The following PCDHA8 variants were observed in gnomAD, a reference collection of about 807,000 sequenced individuals.
The protein encoded by PCDHA8 is protocadherin alpha-8.
PCDHA8 carries 53 observed loss-of-function variants against 61.8 expected under a neutral mutation model. The observed-to-expected ratio is 0.86, with a 90% confidence interval of 0.69 to 1.08. The LOEUF is 1.08. Among genes scored for constraint, PCDHA8 ranks in the 50% least tolerant of loss-of-function variants. PCDHA8 has a pLI of 0.00. For synonymous variants in PCDHA8, 618 were observed against 556.6 expected (o/e 1.11, Z -1.55); for missense variants, 1,293 against 1,245.0 (o/e 1.04, Z -0.58).
chr5:140,889,856 G>GT (rs1471217688), intron 1 of PCDHA8, among the ~76,000 whole-genome samples: 17 of 152,122 alleles, frequency 1.1e-4, no homozygotes, highest in African/African-American at 4.1e-4. Context: ...GAGAATATTT[G>GT]TTTTGGGGGA....
chr5:140,883,581 C>A, intron 1 of PCDHA8: 2 of 1,614,018 alleles, frequency 1.2e-6, no homozygotes, highest in Non-Finnish European at 1.7e-6. Flanking sequence ...CTGTGGGCCA[C>A]GGCCAGCGTG....
At chr5:140,851,162 G>C in intron 1 of PCDHA8, 1 of 1,294,640 alleles carries the variant, frequency 7.7e-7, no homozygotes, top group African/African-American at 1.5e-5. Context: ...CTGATGCTAT[G>C]CTGCCATAAC....
chr5:140,928,166 T>G, intron 1 of PCDHA8: 1 of 1,614,142 alleles, frequency 6.2e-7, no homozygotes, highest in South Asian at 1.1e-5. Context: ...TCACCCCCAC[T>G]TAGCACCCGA....
At chr5:140,871,305 G>C (rs782666863) in intron 1 of PCDHA8, 2 of 1,613,874 alleles carry the variant, frequency 1.2e-6, no homozygotes, top group East Asian at 4.5e-5. Context: ...GCGCGCCGGG[G>C]AAGCCCACGC....
intron 1 of PCDHA8, among the ~76,000 whole-genome samples, chr5:140,908,378 C>T (rs951348145): frequency 2.6e-5 from 4 of 152,126 alleles, no homozygotes; most frequent in Admixed American, 6.6e-5. Context: ...AGGACCTGCT[C>T]GAGCCCGATC....
At chr5:140,875,247 A>T in intron 1 of PCDHA8, 1 of 962,254 alleles carries the variant, frequency 1.0e-6, no homozygotes, top group Non-Finnish European at 1.5e-6. Flanking sequence ...TTACATAATC[A>T]GTCACATGAT....
chr5:140,856,495 T>G lies in PCDHA8; in HGVS notation c.2394+12780T>G, dbSNP rs1554148773. 5.0e-6 allele frequency: 8 copies of G among 1,598,330 alleles called. 1 individual carries two copies. Among genetic ancestry groups the G allele is most frequent in the African/African-American group, 2.7e-5 (2 of 74,276 alleles). ...TACCTGAATCCAGACTGCTTGACTC[T>G]CGATTTCCACTAGAAGGCGCATCTG... On this transcript the variant is annotated intron_variant, in intron 1 of 3. Transcript: ENST00000531613.
rs2150357213 is a variant in PCDHA8 at position 140,843,314 on chromosome 5, G to T, written c.1993G>T (p.Val665Phe). 3.8e-6 allele frequency: 6 copies of T among 1,596,084 alleles called. 2 individuals carry two copies. Among genetic ancestry groups the T allele is most frequent in the Non-Finnish European group, 5.1e-6 (6 of 1,165,598 alleles). Reference protein sequence around the residue: ...GEPALTATATVLVSLVESGQA... With the variant: ...GEPALTATATFLVSLVESGQA... ...ACCTGCGCTGACCGCCACGGCCACG[G>T]TTCTGGTGTCGCTGGTGGAGAGCGG... is the stretch of plus-strand genomic sequence containing the variant. The change falls in exon 1 of 4, where the codon GTT becomes TTT. Residue 665 changes from valine (V) to phenylalanine (F), a missense_variant. Transcript: ENST00000531613.
intron 1 of PCDHA8, chr5:140,869,394 G>A (rs782128248): frequency 6.2e-7 from 1 of 1,614,078 alleles, no homozygotes; most frequent in Non-Finnish European, 8.5e-7. Flanking sequence ...AGCTGTGCGG[G>A]CAGAGCGCGG....
chr5:140,967,477 C>T (rs782240426), intron 1 of PCDHA8: 1 of 1,613,396 alleles, frequency 6.2e-7, no homozygotes, highest in Non-Finnish European at 8.5e-7. Flanking sequence ...TCCCAGCCCG[C>T]TCGGGTACGG....
chr5:140,851,517 A>T, intron 1 of PCDHA8: 3 of 904,862 alleles, frequency 3.3e-6, no homozygotes, highest in Non-Finnish European at 4.0e-6. Context: ...AATATGTTTT[A>T]AAATGCCTGA....
At chr5:140,970,221 C>G (rs2096390879) in intron 1 of PCDHA8, among the ~76,000 whole-genome samples, 1 of 152,182 alleles carries the variant, frequency 6.6e-6, no homozygotes, top group South Asian at 2.1e-4. Context: ...TTAAATGCAG[C>G]CTGTAATCTT....
At position 140,856,679 on chromosome 5, in the gene PCDHA8, T is replaced by C. The variant is rs781823964; in HGVS notation, c.2394+12964T>C. 1.0e-4 allele frequency: 165 copies of C among 1,597,704 alleles called. 10 individuals are homozygous for C. Among genetic ancestry groups the C allele is most frequent in the Non-Finnish European group, 1.4e-4 (162 of 1,167,324 alleles). On this transcript the variant is annotated intron_variant, in intron 1 of 3. Transcript: ENST00000531613. ...AGAAAATCCTCAGCTAAAGTTGTTG[T>C]TGACAGCAACTGATGGAGGCAAACC...
rs201643490 is a variant in PCDHA8 at position 140,856,993 on chromosome 5, T to A, written c.2394+13278T>A. 5.0e-6 allele frequency: 8 copies of A among 1,595,442 alleles called. No homozygotes were observed. In the East Asian group the frequency reaches 1.3e-4, roughly 27 times the overall value. On this transcript the variant is annotated intron_variant, in intron 1 of 3. Transcript: ENST00000531613. Reference sequence around the variant, plus strand: ...TTGACTTTGAGGACAGTAACACTTATGAAATTCATGTAGATGTTACAGATA... The same window carrying A: ...TTGACTTTGAGGACAGTAACACTTAAGAAATTCATGTAGATGTTACAGATA...
In PCDHA8 at chr5:140,920,604, G is replaced by A. The variant is rs182788075; in HGVS notation, c.2395-58345G>A. 4.8e-4 allele frequency among the ~76,000 whole-genome samples: 73 copies of A among 152,238 alleles called. No homozygotes were observed. In the East Asian group the frequency reaches 0.011, roughly 22 times the overall value. On this transcript the variant is annotated intron_variant, in intron 1 of 3. Transcript: ENST00000531613. ...CTCACGCCTGTAATCCCAGCACTTT[G>A]GGAGGCCGAGGCGGATGGATCACAA...
Position 141,010,042 on chromosome 5 carries a change from TAGAGACCTCAG to T in PCDHA8, c.*107_*117del. ...TTTTTCCTATCTACATGAGCCCTCTTAGAGACCTCAGAAATCTGCAGAAAGTTCCCTGTGTC... is the reference window on the plus strand; with the variant it reads ...TTTTTCCTATCTACATGAGCCCTCTTAAATCTGCAGAAAGTTCCCTGTGTC... On this transcript the variant is annotated 3_prime_UTR_variant, in exon 4 of 4. Transcript: ENST00000531613. 6.3e-7 allele frequency: 1 copy of T among 1,594,374 alleles called. No individual in the cohort carries two copies. The highest frequency in any genetic ancestry group is 1.2e-5 in the South Asian group (1 of 86,942).
intron 1 of PCDHA8, among the ~76,000 whole-genome samples, chr5:140,957,730 T>G (rs1044691694): frequency 6.6e-6 from 1 of 152,144 alleles, no homozygotes; most frequent in Non-Finnish European, 1.5e-5. Flanking sequence ...AGCAGAATTA[T>G]ATATACTGAC....
At chr5:140,869,316 T>A in intron 1 of PCDHA8, 1 of 1,613,748 alleles carries the variant, frequency 6.2e-7, no homozygotes, top group Non-Finnish European at 8.5e-7. Context: ...CCAAAACACA[T>A]GGGGACCTTC....
chr5:141,005,463 G>A (rs2098214977), intron 3 of PCDHA8, among the ~76,000 whole-genome samples: 1 of 151,944 alleles, frequency 6.6e-6, no homozygotes. Context: ...CAGCACTTTG[G>A]GAGGCCGAGA....
Sources: gnomAD v4.1 joint callset for allele counts (sites outside exome capture counted in the v4.1 genomes callset) on GRCh38, gnomAD v4.1.1 for gene constraint, MANE v1.5 for transcripts, NCBI Gene and HGNC (gene_info 2026-07-23, HGNC 2026-07-21) for gene names.